The following FZD6 variants were observed in gnomAD, a reference collection of about 807,000 sequenced individuals.
FZD6 encodes frizzled-6.
A neutral mutation model predicts 61.4 loss-of-function variants in FZD6; 49 were observed. That is an observed-to-expected ratio of 0.80 (90% CI 0.63 to 1.01). The LOEUF is 1.01. Ranked by LOEUF, FZD6 falls within the 50% of genes least tolerant of loss-of-function variation. The pLI, the probability that FZD6 is intolerant of heterozygous loss-of-function variation, is 0.00. For synonymous variants in FZD6, 265 were observed against 292.2 expected (o/e 0.91, Z 0.95); for missense variants, 724 against 848.2 (o/e 0.85, Z 1.82).
chr8:103,311,474 A>G (rs551325294), intron 2 of FZD6, among the ~76,000 whole-genome samples: 1 of 152,210 alleles, frequency 6.6e-6, no homozygotes, highest in East Asian at 1.9e-4. Flanking sequence ...ACAGTGGTTC[A>G]TACCTGTAAT....
chr8:103,300,116 G>A lies in FZD6; in HGVS notation c.9G>A (p.Met3Ile), dbSNP rs1210122452. The change falls in exon 2 of 7, where the codon ATG (methionine) becomes ATA (isoleucine). Residue 3 changes from methionine to isoleucine, a missense_variant. By Grantham distance (10) the Met-to-Ile change is conservative. Transcript: ENST00000358755. Reference protein sequence around the residue: MEMFTFLLTCIFL... With the variant: MEIFTFLLTCIFL... The stretch of plus-strand genomic sequence containing the variant: ...TCAGGAATTTGAAGAAAATGGAAAT[G>A]TTTACATTTTTGTTGACGTGTATTT... 1 of 1,588,778 alleles carries A rather than the reference G, an allele frequency of 6.3e-7. No homozygotes were observed. Among genetic ancestry groups the A allele is most frequent in the East Asian group, 2.2e-5 (1 of 44,718 alleles).
chr8:103,310,685 C>T (rs1040840377), intron 2 of FZD6, among the ~76,000 whole-genome samples: 2 of 152,160 alleles, frequency 1.3e-5, no homozygotes, highest in African/African-American at 2.4e-5. Flanking sequence ...AACTCATGCT[C>T]GTTATATTAT....
chr8:103,321,878 A>G (rs1814798970), intron 3 of FZD6, among the ~76,000 whole-genome samples: 1 of 152,130 alleles, frequency 6.6e-6, no homozygotes, highest in Non-Finnish European at 1.5e-5. Flanking sequence ...GTGCATGTCC[A>G]CCATACCACC....
intron 3 of FZD6, among the ~76,000 whole-genome samples, chr8:103,323,500 G>T (rs978064888): frequency 6.6e-6 from 1 of 150,528 alleles, no homozygotes. Context: ...GCTCGGTCTT[G>T]TCTCACTGCA....
chr8:103,306,671 T>G (rs540361441), intron 2 of FZD6, among the ~76,000 whole-genome samples: 1 of 151,570 alleles, frequency 6.6e-6, no homozygotes, highest in African/African-American at 2.4e-5. Flanking sequence ...CCCGGCTAAT[T>G]TTTTTGTATT....
intron 2 of FZD6, among the ~76,000 whole-genome samples, chr8:103,311,705 G>A (rs1171331572): frequency 3.6e-5 from 5 of 140,790 alleles, no homozygotes; most frequent in African/African-American, 1.3e-4. Flanking sequence ...AAAAAAAAGT[G>A]TTAACTTACC....
In FZD6 at chr8:103,331,553, TG is replaced by T; in HGVS notation, c.*46del. The T allele has an allele frequency of 7.8e-7, 1 of 1,286,318 alleles. No individual in the cohort carries two copies. Among genetic ancestry groups the T allele is most frequent in the Non-Finnish European group, 1.1e-6 (1 of 883,980 alleles). 79.7% of individuals were successfully genotyped at this position (1,286,318 alleles called of 1,614,324 possible). A position where few individuals can be genotyped will look rare whatever the true frequency, so the allele number is the denominator to read the frequency against. On this transcript the variant is annotated 3_prime_UTR_variant, in exon 7 of 7. Transcript: ENST00000358755. ...ACTCAGAAGCAAATTTGTGTTACAC[TG>T]GAAGTGACCTATGCACTGTTTTGTA...
chr8:103,306,827 T>C (rs1279510346), intron 2 of FZD6, among the ~76,000 whole-genome samples: 6 of 152,170 alleles, frequency 3.9e-5, no homozygotes, highest in African/African-American at 1.4e-4. Context: ...CTTTTTTTAA[T>C]GACATTTTAA....
intron 3 of FZD6, among the ~76,000 whole-genome samples, chr8:103,321,026 G>A (rs1814772225): frequency 6.6e-6 from 1 of 152,154 alleles, no homozygotes; most frequent in East Asian, 1.9e-4. Flanking sequence ...ATATTTATAT[G>A]AGAAGACGGT....
In FZD6 at chr8:103,331,337, C is replaced by T; in HGVS notation, c.1953-4C>T. ...TGTGTGTCAACTTTTTTTCTTTTAT[C>T]TAGGATTAGTCCAAAGAGTGATATT... On this transcript the variant is annotated splice_region_variant and splice_polypyrimidine_tract_variant and intron_variant, in intron 6 of 6. Transcript: ENST00000358755. 6.2e-7 allele frequency: 1 copy of T among 1,607,292 alleles called. No homozygotes were observed. Among genetic ancestry groups the T allele is most frequent in the Non-Finnish European group, 8.5e-7 (1 of 1,173,876 alleles).
In FZD6 at chr8:103,300,053, G is replaced by C; in HGVS notation, c.-55G>C. 4.0e-6 allele frequency: 4 copies of C among 1,000,766 alleles called. No homozygotes were observed. The highest frequency in any genetic ancestry group is 3.9e-5 in the South Asian group (3 of 77,900). The allele number at this position is 1,000,766 out of a possible 1,614,324, so 62.0% of individuals were successfully genotyped here. On this transcript the variant is annotated 5_prime_UTR_variant, in exon 2 of 7. Transcript: ENST00000358755. ...TTATCTTTGGATGGGGATCTTCTGA[G>C]GATGCAAAGAGTGATTCATCCAAGC...
At chr8:103,317,264 GA>G in intron 2 of FZD6, among the ~76,000 whole-genome samples, 1 of 152,334 alleles carries the variant, frequency 6.6e-6, no homozygotes, top group Non-Finnish European at 1.5e-5. Context: ...GAGTAAATAA[GA>G]GACAAAGTGG....
At chr8:103,326,657 CTAAG>C (rs1814958451) in intron 4 of FZD6, among the ~76,000 whole-genome samples, 2 of 147,420 alleles carry the variant, frequency 1.4e-5, no homozygotes, top group African/African-American at 5.0e-5. Context: ...CTAAATTTGA[CTAAG>C]TAAAAAAAAA....
At chr8:103,320,554 G>A (rs1290800222) in intron 3 of FZD6, among the ~76,000 whole-genome samples, 1 of 152,016 alleles carries the variant, frequency 6.6e-6, no homozygotes, top group Non-Finnish European at 1.5e-5. Flanking sequence ...ATGAACTAAT[G>A]TATGGAGACA....
chr8:103,331,947 AT>A lies in FZD6; in HGVS notation c.*439del, dbSNP rs1815149736. 1 of 163,592 alleles carries A rather than the reference AT, an allele frequency of 6.1e-6. No individual in the cohort carries two copies. The highest frequency in any genetic ancestry group is 1.3e-5 in the Non-Finnish European group (1 of 74,984). 10.1% of individuals were successfully genotyped at this position (163,592 alleles called of 1,614,324 possible). A position where few individuals can be genotyped will look rare whatever the true frequency, so the allele number is the denominator to read the frequency against. On this transcript the variant is annotated 3_prime_UTR_variant, in exon 7 of 7. Transcript: ENST00000358755. The stretch of plus-strand genomic sequence containing the variant: ...TTATATGTATTTGAACTTTTTTGAA[AT>A]CCTATTCAAGTATTTTTATCATGCT...
Position 103,324,513 on chromosome 8 carries a change from C to A in FZD6, c.407C>A (p.Thr136Asn). The A allele has an allele frequency of 1.2e-6, 2 of 1,606,654 alleles. No individual in the cohort carries two copies. The highest frequency in any genetic ancestry group is 1.7e-6 in the Non-Finnish European group (2 of 1,173,456). Residue 136 changes from threonine (T) to asparagine (N), a missense_variant, in exon 4 of 7, where the codon ACT becomes AAT. Physicochemically the swap from Thr to Asn is moderately conservative, Grantham distance 65. Transcript: ENST00000358755. ...LQYCDETVPVTFDPHTEFLGP... is the reference protein window; with the variant it reads ...LQYCDETVPVNFDPHTEFLGP... ...TACTGTGATGAGACTGTTCCTGTAA[C>A]TTTTGATCCACACACAGAATTTCTT... is the stretch of plus-strand genomic sequence containing the variant.
chr8:103,300,620 C>T (rs1467087566), intron 2 of FZD6, among the ~76,000 whole-genome samples: 1 of 152,114 alleles, frequency 6.6e-6, no homozygotes, highest in Non-Finnish European at 1.5e-5. Context: ...TATTTTTCTA[C>T]TTCACTGAAC....
intron 4 of FZD6, among the ~76,000 whole-genome samples, chr8:103,326,869 G>T (rs761604467): frequency 1.3e-5 from 2 of 151,926 alleles, no homozygotes; most frequent in Non-Finnish European, 2.9e-5. Context: ...GTAGGAAAAA[G>T]GTTCACAGGA....
chr8:103,309,509 A>G (rs771447457), intron 2 of FZD6, among the ~76,000 whole-genome samples: 18 of 152,208 alleles, frequency 1.2e-4, no homozygotes, highest in Non-Finnish European at 2.2e-4. Context: ...GGTGTTGCCA[A>G]TCTCTGAAAA....
Sources: gnomAD v4.1 joint callset for allele counts (sites outside exome capture counted in the v4.1 genomes callset) on GRCh38, gnomAD v4.1.1 for gene constraint, MANE v1.5 for transcripts, NCBI Gene and HGNC (gene_info 2026-07-23, HGNC 2026-07-21) for gene names.